The following PABPC4L variants were observed in gnomAD, a reference collection of about 807,000 sequenced individuals.
The protein encoded by PABPC4L is poly(A) binding protein cytoplasmic 4 like.
For missense variants in PABPC4L, 452 were observed against 451.4 expected, an observed-to-expected ratio of 1.00 and a Z score of -0.01; for synonymous variants, 169 against 164.1, an observed-to-expected ratio of 1.03 and a Z score of -0.23.
the PABPC4L span, among the ~76,000 whole-genome samples, chr4:133,969,278 C>G: frequency 6.6e-6 from 1 of 152,174 alleles, no homozygotes; most frequent in Non-Finnish European, 1.5e-5. Flanking sequence ...TGAAACTTTT[C>G]TGTGAAACTG....
At chr4:134,027,206 C>CT in the PABPC4L span, among the ~76,000 whole-genome samples, 2 of 152,172 alleles carry the variant, frequency 1.3e-5, no homozygotes, top group Non-Finnish European at 2.9e-5. Context: ...TTGGAATGCT[C>CT]TTTTTTTGTG....
At chr4:134,162,694 T>A in the PABPC4L span, among the ~76,000 whole-genome samples, 1 of 152,054 alleles carries the variant, frequency 6.6e-6, no homozygotes, top group Non-Finnish European at 1.5e-5. Flanking sequence ...AAACTAGAAG[T>A]CAACTCCAAA....
At chr4:134,072,084 A>C in the PABPC4L span, among the ~76,000 whole-genome samples, 1 of 152,186 alleles carries the variant, frequency 6.6e-6, no homozygotes, top group African/African-American at 2.4e-5. Context: ...TTAGGATGTC[A>C]TTTCTCTCTG....
At chr4:134,048,318 A>C in the PABPC4L span, among the ~76,000 whole-genome samples, 2 of 152,114 alleles carry the variant, frequency 1.3e-5, no homozygotes, top group Admixed American at 6.6e-5. Flanking sequence ...AACTGTAACC[A>C]TTTTAAAAAT....
At chr4:134,021,317 C>T in the PABPC4L span, among the ~76,000 whole-genome samples, 1 of 152,070 alleles carries the variant, frequency 6.6e-6, no homozygotes, top group African/African-American at 2.4e-5. Context: ...CCACAAGGAC[C>T]TGTGTAGAAG....
the PABPC4L span, among the ~76,000 whole-genome samples, chr4:134,161,291 C>A: frequency 6.7e-6 from 1 of 149,070 alleles, no homozygotes; most frequent in Non-Finnish European, 1.5e-5. Context: ...TACAAAATAG[C>A]CTAAAGAAGA....
chr4:134,010,730 T>C, the PABPC4L span: 4 of 152,280 alleles, frequency 2.6e-5, no homozygotes, highest in East Asian at 7.7e-4. Flanking sequence ...GCCAAGTCGA[T>C]GTATGTAAAT....
chr4:134,170,729 C>A, the PABPC4L span, among the ~76,000 whole-genome samples: 2 of 152,060 alleles, frequency 1.3e-5, no homozygotes, highest in African/African-American at 4.8e-5. Context: ...TACCATGATC[C>A]AAGAACCTCC....
At chr4:134,035,215 G>A in the PABPC4L span, among the ~76,000 whole-genome samples, 1 of 151,908 alleles carries the variant, frequency 6.6e-6, no homozygotes, top group Non-Finnish European at 1.5e-5. Context: ...TAATGCTATT[G>A]ATCACTTAAT....
the PABPC4L span, among the ~76,000 whole-genome samples, chr4:134,127,716 G>A: frequency 1.1e-4 from 17 of 152,046 alleles, no homozygotes; most frequent in East Asian, 1.9e-4. Context: ...CCAGAAAAAC[G>A]ATTCTGGTAA....
the PABPC4L span, among the ~76,000 whole-genome samples, chr4:134,079,657 CTG>C: frequency 1.4e-5 from 2 of 139,884 alleles, no homozygotes; most frequent in African/African-American, 2.6e-5. Context: ...GGATGTGTGT[CTG>C]TGTGTGTATG....
chr4:134,005,365 C>T, the PABPC4L span, among the ~76,000 whole-genome samples: 3 of 151,702 alleles, frequency 2.0e-5, no homozygotes, highest in Non-Finnish European at 2.9e-5. Flanking sequence ...GTATTTTTAT[C>T]TTTTATTAGT....
chr4:133,999,919 C>T, the PABPC4L span, among the ~76,000 whole-genome samples: 2 of 152,020 alleles, frequency 1.3e-5, no homozygotes, highest in African/African-American at 4.8e-5. Flanking sequence ...CTTGATATTA[C>T]AAAGTAATAT....
chr4:134,077,718 A>T, the PABPC4L span, among the ~76,000 whole-genome samples: 1 of 152,012 alleles, frequency 6.6e-6, no homozygotes, highest in Non-Finnish European at 1.5e-5. Context: ...CCTCCCCTTC[A>T]TTATTCAATT....
chr4:134,127,778 A>T, the PABPC4L span, among the ~76,000 whole-genome samples: 1 of 152,178 alleles, frequency 6.6e-6, no homozygotes. Context: ...CTAGCTCATC[A>T]GCTATTGATC....
At chr4:134,022,972 T>C in the PABPC4L span, among the ~76,000 whole-genome samples, 2 of 144,956 alleles carry the variant, frequency 1.4e-5, no homozygotes, top group South Asian at 2.3e-4. Flanking sequence ...TCCAAAAGGG[T>C]TGGGGAAAGA....
At chr4:134,138,831 A>C in the PABPC4L span, among the ~76,000 whole-genome samples, 1 of 151,834 alleles carries the variant, frequency 6.6e-6, no homozygotes, top group Non-Finnish European at 1.5e-5. Flanking sequence ...TATTATGATA[A>C]ATTTCTGAAT....
chr4:133,963,857 A>G, the PABPC4L span, among the ~76,000 whole-genome samples: 1 of 152,178 alleles, frequency 6.6e-6, no homozygotes, highest in East Asian at 1.9e-4. Flanking sequence ...AGCCCTAAAC[A>G]CCTACATCAA....
the PABPC4L span, among the ~76,000 whole-genome samples, chr4:133,993,154 A>C: frequency 6.6e-6 from 1 of 152,174 alleles, no homozygotes; most frequent in African/African-American, 2.4e-5. Context: ...GCTGATTGAA[A>C]TTTATGATGT....
Sources: allele counts gnomAD v4.1 joint callset (sites outside exome capture counted in the v4.1 genomes callset), GRCh38; gene constraint gnomAD v4.1.1; transcripts MANE v1.5; gene names NCBI Gene and HGNC (gene_info 2026-07-23, HGNC 2026-07-21).